The following RBPJL variants were observed in gnomAD, a reference collection of about 807,000 sequenced individuals.
RBPJL encodes recombination signal binding protein for immunoglobulin kappa J region like, also known as recombining binding protein suppressor of hairless-like protein.
Under a neutral mutation model 57.6 loss-of-function variants are expected in RBPJL, and 50 were observed. The ratio of observed to expected loss-of-function variants is 0.87; its 90% CI spans 0.69 to 1.10. The LOEUF is 1.10. Ranked by LOEUF, RBPJL falls within the 50% of genes least tolerant of loss-of-function variation. The pLI, the probability that RBPJL is intolerant of heterozygous loss-of-function variation, is 0.00. For synonymous variants in RBPJL, 303 were observed against 294.4 expected (o/e 1.03, Z -0.30); for missense variants, 684 against 693.7 (o/e 0.99, Z 0.16).
At chr20:45,311,546 G>C in intron 3 of RBPJL, 43 bp from the exon 4 acceptor site, 1 of 1,596,890 alleles carries the variant, frequency 6.3e-7, no homozygotes. Context: ...GGAGAGCCAA[G>C]TGGAGATGGA....
chr20:45,312,145 C>T (rs908264064), intron 5 of RBPJL, 76 bp from the exon 6 acceptor site: 1 of 1,601,060 alleles, frequency 6.2e-7, no homozygotes, highest in Non-Finnish European at 8.5e-7. Context: ...GGCGGACGTC[C>T]GATATCTGGG....
chr20:45,311,711 G>C (rs1487790351), intron 4 of RBPJL, 52 bp downstream of exon 4: 2 of 1,599,466 alleles, frequency 1.3e-6, no homozygotes, highest in Non-Finnish European at 1.7e-6. Flanking sequence ...GGAGGACCAC[G>C]AGATTGGGCC....
At chr20:45,309,298 T>C (rs1987013743) in intron 2 of RBPJL, among the ~76,000 whole-genome samples, 2 of 152,118 alleles carry the variant, frequency 1.3e-5, no homozygotes, top group Admixed American at 1.3e-4. Context: ...ACCCACAGAG[T>C]GGAACCTGGG....
rs1388347667 is a variant in RBPJL, at chr20:45,313,573, C to A, written c.725C>A (p.Ala242Glu). 1.2e-6 allele frequency: 2 copies of A among 1,613,162 alleles called. No individual in the cohort carries two copies. Among genetic ancestry groups the A allele is most frequent in the Non-Finnish European group, 1.7e-6 (2 of 1,179,552 alleles). Residue 242 changes from alanine (A) to glutamate (E), a missense_variant, in exon 7 of 12, where the codon GCA becomes GAA. Transcript: ENST00000343694. ...SVEDGAFVAS[A>E]RQWAAFTLHL... Reference sequence around the variant, plus strand: ...GAGGATGGGGCCTTTGTGGCCAGTGCACGACAGTGGGCTGCCTTCACGCTC... The same window carrying A: ...GAGGATGGGGCCTTTGTGGCCAGTGAACGACAGTGGGCTGCCTTCACGCTC...
chr20:45,307,940 C>T (rs1009354338), intron 1 of RBPJL, among the ~76,000 whole-genome samples: 1 of 152,044 alleles, frequency 6.6e-6, no homozygotes, highest in Non-Finnish European at 1.5e-5. Context: ...TCAAAAGTCC[C>T]TTAGGGACAT....
rs751026413 is a variant in RBPJL, at chr20:45,306,963, G to A, written c.22+19G>A. The A allele has an allele frequency of 9.6e-6, 12 of 1,249,978 alleles. No homozygotes were observed. The highest frequency in any genetic ancestry group is 4.7e-5 in the African/African-American group (3 of 64,492). The allele number at this position is 1,249,978 out of a possible 1,614,324, so 77.4% of individuals were successfully genotyped here. ...GCAGCAGGTGAGCGCTTACCCTCCCGAGGCCCCGGAGACGCCCCGTGAGAA... is the reference window on the plus strand; with the variant it reads ...GCAGCAGGTGAGCGCTTACCCTCCCAAGGCCCCGGAGACGCCCCGTGAGAA... On this transcript the variant is annotated intron_variant, in intron 1 of 11. Transcript: ENST00000343694.
intron 3 of RBPJL, 62 bp downstream of exon 3, chr20:45,309,754 T>C: frequency 6.3e-7 from 1 of 1,598,140 alleles, no homozygotes; most frequent in Non-Finnish European, 8.5e-7. Flanking sequence ...ACCTCCTCCA[T>C]CCACCCATTG....
At chr20:45,312,022 C>A in intron 5 of RBPJL, 68 bp downstream of exon 5, 2 of 1,450,048 alleles carry the variant, frequency 1.4e-6, no homozygotes, top group East Asian at 2.4e-5. Flanking sequence ...AGGAGGGCTC[C>A]TTTACTCCCC....
At chr20:45,316,440 T>G (rs1987470321) in intron 10 of RBPJL, 37 bp from the exon 11 acceptor site, 1 of 1,559,774 alleles carries the variant, frequency 6.4e-7, no homozygotes, top group African/African-American at 1.4e-5. Flanking sequence ...CCGCCCTACT[T>G]GGTTCTCTCA....
rs59554717 is a variant in RBPJL, at chr20:45,315,960, A to AAAGAAAG, written c.1021-206_1021-200dup. On this transcript the variant is annotated intron_variant, in intron 9 of 11. Transcript: ENST00000343694. ...GAAGGAAGGAAGGAAAATAAAGAAA[A>AAAGAAAG]AAGAAAGAAGAAAGAAGAAAGAAGA... The AAAGAAAG allele has an allele frequency of 3.8e-3, 1,503 of 400,440 alleles. 7 individuals are homozygous for AAAGAAAG. Among genetic ancestry groups the AAAGAAAG allele is most frequent in the African/African-American group, 0.021 (1,001 of 48,752 alleles). The allele number at this position is 400,440 out of a possible 1,614,324, so 24.8% of individuals were successfully genotyped here. A position where few individuals can be genotyped will look rare whatever the true frequency, so the allele number is the denominator to read the frequency against.
intron 2 of RBPJL, among the ~76,000 whole-genome samples, chr20:45,309,300 G>A (rs943115167): frequency 3.3e-5 from 5 of 152,164 alleles, no homozygotes; most frequent in Non-Finnish European, 7.4e-5. Flanking sequence ...CCACAGAGTG[G>A]AACCTGGGTG....
intron 7 of RBPJL, 126 bp downstream of exon 7, chr20:45,313,731 C>A (rs1336905894): frequency 3.0e-6 from 3 of 992,734 alleles, no homozygotes; most frequent in East Asian, 5.3e-5. Flanking sequence ...CACAAAAAGA[C>A]TTGACTACAG....
At chr20:45,308,369 A>C in intron 2 of RBPJL, 118 bp downstream of exon 2, 3 of 671,908 alleles carry the variant, frequency 4.5e-6, no homozygotes, top group East Asian at 2.7e-5. Flanking sequence ...GCAGGCTGCA[A>C]CCCCTCCCAC....
chr20:45,313,140 G>A, intron 6 of RBPJL, among the ~76,000 whole-genome samples: 1 of 152,190 alleles, frequency 6.6e-6, no homozygotes, highest in East Asian at 1.9e-4. Flanking sequence ...GGAATGCCCA[G>A]TGTATCTAGG....
In RBPJL at chr20:45,314,148, T is replaced by C. The variant is rs201484929; in HGVS notation, c.867+4T>C. On this transcript the variant is annotated splice_donor_region_variant and intron_variant, in intron 8 of 11. Transcript: ENST00000343694. ...CGGCATCACACTACCTCCCATGGTA[T>C]AGGAAGGGAGGGCATGCCTGGAGGG... 3.5e-5 allele frequency: 56 copies of C among 1,610,264 alleles called. No homozygotes were observed. Among genetic ancestry groups the C allele is most frequent in the Admixed American group, 5.0e-5 (3 of 59,990 alleles).
Position 45,306,895 on chromosome 20 carries a change from T to A in RBPJL, c.-28T>A, listed in dbSNP as rs1482803352. 21 of 1,256,260 alleles carry A rather than the reference T, an allele frequency of 1.7e-5. No individual in the cohort carries two copies. The highest frequency in any genetic ancestry group is 2.0e-5 in the Non-Finnish European group (20 of 993,070). 77.8% of individuals were successfully genotyped at this position (1,256,260 alleles called of 1,614,324 possible). The stretch of plus-strand genomic sequence containing the variant: ...CTGGACTCGTCCAGAGGGCGGCGGG[T>A]GAGCGGCTGGGGCCCCGTGGAGCCA... On this transcript the variant is annotated 5_prime_UTR_variant, in exon 1 of 12. Coordinates refer to ENST00000343694, the MANE Select transcript of RBPJL (RefSeq NM_014276.4).
At chr20:45,314,928 C>T (rs181486044) in intron 9 of RBPJL, among the ~76,000 whole-genome samples, 69 of 152,118 alleles carry the variant, frequency 4.5e-4, no homozygotes, top group African/African-American at 1.6e-3. Context: ...ACTAAAAATA[C>T]AAAAATTAGC....
In RBPJL at chr20:45,308,354, G is replaced by GAAGTGGGC. The variant is rs1254455699; in HGVS notation, c.131+108_131+109insGGCAAGTG. 20 of 770,362 alleles carry GAAGTGGGC rather than the reference G, an allele frequency of 2.6e-5. No homozygotes were observed. In the Middle Eastern group the frequency reaches 1.4e-3, roughly 52 times the overall value. 47.7% of individuals were successfully genotyped at this position (770,362 alleles called of 1,614,324 possible). A position where few individuals can be genotyped will look rare whatever the true frequency, so the allele number is the denominator to read the frequency against. Reference sequence around the variant, plus strand: ...ACCCAGGGCTGGCGGGTGGGGAGGGGAAGTGCAGGCTGCAACCCCTCCCAC... The same window carrying GAAGTGGGC: ...ACCCAGGGCTGGCGGGTGGGGAGGGGAAGTGGGCAAGTGCAGGCTGCAACCCCTCCCAC... On this transcript the variant is annotated intron_variant, in intron 2 of 11. Coordinates refer to ENST00000343694, the MANE Select transcript of RBPJL (RefSeq NM_014276.4).
At chr20:45,310,295 A>G (rs1011722227) in intron 3 of RBPJL, among the ~76,000 whole-genome samples, 6 of 152,162 alleles carry the variant, frequency 3.9e-5, no homozygotes, top group Admixed American at 3.3e-4. Context: ...ATATCTGGGG[A>G]AAGCGTGCTA....
Sources: allele counts gnomAD v4.1 joint callset (sites outside exome capture counted in the v4.1 genomes callset), GRCh38; gene constraint gnomAD v4.1.1; transcripts MANE v1.5; gene names NCBI Gene and HGNC (gene_info 2026-07-23, HGNC 2026-07-21).